Variants in CFAP69 observed in about 807,000 individuals in gnomAD.
The protein encoded by CFAP69 is cilia and flagella associated protein 69, also known as cilia- and flagella-associated protein 69.
A neutral mutation model predicts 123.0 loss-of-function variants in CFAP69; 92 were observed. The observed-to-expected ratio is 0.75, with a 90% CI of 0.63 to 0.89. The LOEUF (loss-of-function observed/expected upper bound fraction) is 0.89, where lower values mean the gene tolerates loss of function less well. CFAP69 is among the 40% of genes least tolerant of loss of function. CFAP69 has a pLI of 0.00. For missense variants in CFAP69, 1,067 were observed against 1,096.9 expected, an observed-to-expected ratio of 0.97 and a Z score of 0.39; for synonymous variants, 380 against 364.3, an observed-to-expected ratio of 1.04 and a Z score of -0.49.
chr7:90,279,155 T>C (rs1022037499), intron 11 of CFAP69, among the ~76,000 whole-genome samples: 2 of 152,114 alleles, frequency 1.3e-5, no homozygotes, highest in East Asian at 3.8e-4. Flanking sequence ...ATTTATTTGG[T>C]AGAATGTTTA....
chr7:90,276,976 A>C, intron 9 of CFAP69, 97 bp from the exon 10 acceptor site: 1 of 874,360 alleles, frequency 1.1e-6, no homozygotes, highest in South Asian at 2.1e-5. Flanking sequence ...CAGTAGGAGA[A>C]TTTGATAAAT....
chr7:90,319,437 G>A, the CFAP69 span: 1 of 398,590 alleles, frequency 2.5e-6, no homozygotes. Context: ...TTGAAAGCAA[G>A]CAGTCTACAT....
chr7:90,307,181 TG>T, intron 20 of CFAP69, 83 bp downstream of exon 20: 1 of 916,548 alleles, frequency 1.1e-6, no homozygotes, highest in South Asian at 1.5e-5. Flanking sequence ...GAATAAGTTC[TG>T]TTGTTCAATA....
Position 90,277,241 on chromosome 7 carries a change from A to T in CFAP69, c.1062A>T (p.Gly354=), listed in dbSNP as rs758712147. The T allele has an allele frequency of 6.3e-7, 1 of 1,591,496 alleles. No individual in the cohort carries two copies. Residue 354 remains glycine, a synonymous_variant, in exon 11 of 23, where the codon GGA becomes GGT. Coordinates refer to ENST00000389297, the MANE Select transcript of CFAP69 (RefSeq NM_001039706.3). The stretch of plus-strand genomic sequence containing the variant: ...AAAGTCAAAATCTTTTGGTAAAAGG[A>T]CTTAAGCTTTCTAATTCCTATGAAG... ...EVKSQNLLVK[G]LKLSNSYEDF... is the part of the protein sequence containing the mutation.
At chr7:90,255,188 T>A (rs1332091126) in intron 1 of CFAP69, among the ~76,000 whole-genome samples, 2 of 152,238 alleles carry the variant, frequency 1.3e-5, no homozygotes, top group Admixed American at 1.3e-4. Context: ...TCAGGGCTGA[T>A]GAAATTTTAA....
intron 15 of CFAP69, among the ~76,000 whole-genome samples, chr7:90,296,080 T>G (rs1791911736): frequency 6.6e-6 from 1 of 152,174 alleles, no homozygotes; most frequent in Admixed American, 6.5e-5. Flanking sequence ...CTTCTGGAAA[T>G]GCAGCCCAGT....
At chr7:90,306,851 G>A (rs372163633) in intron 19 of CFAP69, 50 bp from the exon 20 acceptor site, 46 of 1,083,526 alleles carry the variant, frequency 4.2e-5, no homozygotes, top group Non-Finnish European at 6.1e-5. Context: ...TTGTACAATT[G>A]CATGATTTGT....
intron 1 of CFAP69, among the ~76,000 whole-genome samples, chr7:90,252,646 T>C (rs1053352195): frequency 2.0e-5 from 3 of 152,196 alleles, no homozygotes; most frequent in Non-Finnish European, 2.9e-5. Context: ...CACTCCAGCC[T>C]GAGCAACAGA....
chr7:90,319,248 T>C, the CFAP69 span: 1 of 397,430 alleles, frequency 2.5e-6, no homozygotes, highest in Non-Finnish European at 4.4e-6. Flanking sequence ...AAAAACTAAA[T>C]ATGGTAAATT....
chr7:90,282,904 G>T lies in CFAP69; in HGVS notation c.1385G>T (p.Ser462Ile). 1 of 1,497,760 alleles carries T rather than the reference G, an allele frequency of 6.7e-7. No individual in the cohort carries two copies. Among genetic ancestry groups the T allele is most frequent in the East Asian group, 2.5e-5 (1 of 40,076 alleles). 92.8% of individuals were successfully genotyped at this position (1,497,760 alleles called of 1,614,324 possible). A position where few individuals can be genotyped will look rare whatever the true frequency, so the allele number is the denominator to read the frequency against. Residue 462 changes from serine to isoleucine, a missense_variant, in exon 13 of 23, where the codon AGT becomes ATT. Coordinates refer to ENST00000389297, the MANE Select transcript of CFAP69 (RefSeq NM_001039706.3). ...EWCESEDPFF[S>I]HGNSFHGTGG... is the part of the protein sequence containing the mutation. ...TTTTTCTCCACAGATCCGTTTTTCA[G>T]TCATGGTAACAGTTTTCATGGTACA... is the stretch of plus-strand genomic sequence containing the variant.
rs535437623 is a variant in CFAP69, at chr7:90,255,471, G to A, written c.169G>A (p.Glu57Lys). The A allele has an allele frequency of 6.2e-7, 1 of 1,612,376 alleles. No individual in the cohort carries two copies. Among genetic ancestry groups the A allele is most frequent in the East Asian group, 2.2e-5 (1 of 44,772 alleles). ...DLNRVIKLLE[E>K]TDKDGLEEKQ... ...TAATCGTGTCATCAAACTCCTCGAA[G>A]AGACTGATAAAGTGAGTAAGCTTTG... is the stretch of plus-strand genomic sequence containing the variant. The change falls in exon 2 of 23, where the codon GAG becomes AAG. Residue 57 changes from glutamate (E) to lysine (K), a missense_variant. Coordinates refer to ENST00000389297, the MANE Select transcript of CFAP69 (RefSeq NM_001039706.3).
intron 6 of CFAP69, among the ~76,000 whole-genome samples, chr7:90,268,589 A>G (rs1050988655): frequency 6.6e-6 from 1 of 152,170 alleles, no homozygotes; most frequent in Non-Finnish European, 1.5e-5. Context: ...TTTTATTCTG[A>G]TGCTAAATAT....
chr7:90,260,343 T>G (rs1191973773), intron 3 of CFAP69, among the ~76,000 whole-genome samples: 1 of 151,512 alleles, frequency 6.6e-6, no homozygotes, highest in Admixed American at 6.6e-5. Flanking sequence ...CTGGGCAACA[T>G]AGCAAGACCC....
At chr7:90,309,683 C>T (rs1371339284) in intron 22 of CFAP69, among the ~76,000 whole-genome samples, 3 of 152,042 alleles carry the variant, frequency 2.0e-5, no homozygotes. Context: ...CCACTTTTGC[C>T]CGGTTCTGGT....
rs148183855 is a variant in CFAP69, at chr7:90,253,459, C to A, written c.121-1964C>A. 3.1e-3 allele frequency among the ~76,000 whole-genome samples: 472 copies of A among 152,226 alleles called. 1 individual carries two copies. Among genetic ancestry groups the A allele is most frequent in the Middle Eastern group, 0.014 (4 of 294 alleles). On this transcript the variant is annotated intron_variant, in intron 1 of 22. Transcript: ENST00000389297. ...AGGTTGGAGTGCAGTGGTGTGATCTCGAATCACTGCAACCTCCACCTCCCG... is the reference window on the plus strand; with the variant it reads ...AGGTTGGAGTGCAGTGGTGTGATCTAGAATCACTGCAACCTCCACCTCCCG...
Position 90,307,777 on chromosome 7 carries a change from A to G in CFAP69, c.2473A>G (p.Thr825Ala). The G allele has an allele frequency of 6.2e-7, 1 of 1,602,760 alleles. No individual in the cohort carries two copies. Among genetic ancestry groups the G allele is most frequent in the Non-Finnish European group, 8.5e-7 (1 of 1,174,644 alleles). Residue 825 changes from threonine (T) to alanine (A), a missense_variant, in exon 21 of 23, where the codon ACG becomes GCG. By Grantham distance (58) the Thr-to-Ala change is moderately conservative. Transcript: ENST00000389297. ...EQKVYAKIQA[T>A]HKQRELANKS... is the part of the protein sequence containing the mutation. ...ATCTTTCTCATTTCAGATACAGGCC[A>G]CGCACAAGCAAAGAGAGCTGGCTAA...
chr7:90,319,402 T>C, the CFAP69 span: 7 of 398,510 alleles, frequency 1.8e-5, no homozygotes, highest in African/African-American at 1.2e-4. Flanking sequence ...GGGCATCACC[T>C]GTCTTCTGCC....
intron 1 of CFAP69, among the ~76,000 whole-genome samples, chr7:90,247,482 G>A (rs1298486205): frequency 1.3e-5 from 2 of 152,176 alleles, no homozygotes; most frequent in African/African-American, 4.8e-5. Context: ...TGTGACCAAA[G>A]ACCAGTATCT....
At chr7:90,323,535 A>G in the CFAP69 span, among the ~76,000 whole-genome samples, 10 of 152,206 alleles carry the variant, frequency 6.6e-5, no homozygotes, top group Admixed American at 6.5e-4. Context: ...CAATTCCTAA[A>G]TGACGGAAAT....
Sources: gnomAD v4.1 joint callset for allele counts (sites outside exome capture counted in the v4.1 genomes callset) on GRCh38, gnomAD v4.1.1 for gene constraint, MANE v1.5 for transcripts, NCBI Gene and HGNC (gene_info 2026-07-23, HGNC 2026-07-21) for gene names.